ERMP1: variants seen among roughly 807,000 people sequenced by gnomAD.
ERMP1 encodes endoplasmic reticulum metallopeptidase 1, also known as Felix-ina.
A neutral mutation model predicts 92.0 loss-of-function variants in ERMP1; 86 were observed. The ratio of observed to expected loss-of-function variants is 0.93; its 90% confidence interval spans 0.79 to 1.12. The LOEUF is 1.12. Ranked by LOEUF, ERMP1 falls within the 50% of genes most tolerant of loss-of-function variation. The probability of loss-of-function intolerance (pLI) is 0.00; values close to 1 mark genes in which losing one functional copy is unlikely to be tolerated. For missense variants in ERMP1, 1,342 were observed against 1,116.3 expected (o/e 1.20, Z -2.88); for synonymous variants, 530 against 412.8 (o/e 1.28, Z -3.44).
intron 9 of ERMP1, 146 bp from the exon 10 acceptor site, chr9:5,805,363 G>T: frequency 1.5e-6 from 1 of 687,496 alleles, no homozygotes; most frequent in Non-Finnish European, 2.4e-6. Context: ...TCTTGGAGTA[G>T]GATCTTTCAC....
chr9:5,784,777 G>T lies in ERMP1; in HGVS notation c.*2367C>A, dbSNP rs1345147873. 2.0e-5 allele frequency: 3 copies of T among 152,028 alleles called. No homozygotes were observed. The highest frequency in any genetic ancestry group is 7.3e-5 in the African/African-American group (3 of 40,956). 9.4% of individuals were successfully genotyped at this position (152,028 alleles called of 1,614,324 possible). ...TAAACTGTAAAAACAAACACTTCATGCGACAATCATTCTTAGGTCAAACAC... is the reference window on the plus strand; with the variant it reads ...TAAACTGTAAAAACAAACACTTCATTCGACAATCATTCTTAGGTCAAACAC... On this transcript the variant is annotated 3_prime_UTR_variant, in exon 15 of 15. Coordinates refer to ENST00000339450, the MANE Select transcript of ERMP1 (RefSeq NM_024896.3).
rs1461691712 is a variant in ERMP1 at position 5,785,114 on chromosome 9, C to T, written c.*2030G>A. 3 of 152,162 alleles carry T rather than the reference C, an allele frequency of 2.0e-5. No homozygotes were observed. Among genetic ancestry groups the T allele is most frequent in the Non-Finnish European group, 4.4e-5 (3 of 68,038 alleles). The allele number at this position is 152,162 out of a possible 1,614,324, so 9.4% of individuals were successfully genotyped here. A position where few individuals can be genotyped will look rare whatever the true frequency, so the allele number is the denominator to read the frequency against. On this transcript the variant is annotated 3_prime_UTR_variant, in exon 15 of 15. Coordinates refer to ENST00000339450, the MANE Select transcript of ERMP1 (RefSeq NM_024896.3). ...AGCCCTGAGACTAGTGAGCATCTTA[C>T]TACTGACCTTGTACAATACCAAAGC...
chr9:5,813,057 C>A, intron 4 of ERMP1, 22 bp from the exon 5 acceptor site: 3 of 1,607,528 alleles, frequency 1.9e-6, no homozygotes, highest in Non-Finnish European at 2.5e-6. Context: ...GATGACAACA[C>A]AATAGAAGGT....
intron 5 of ERMP1, among the ~76,000 whole-genome samples, chr9:5,862,789 A>G (rs759737066): frequency 6.6e-6 from 1 of 152,212 alleles, no homozygotes; most frequent in African/African-American, 2.4e-5. Flanking sequence ...ATTCCAAAGG[A>G]GTGTCTACTT....
intron 6 of ERMP1, among the ~76,000 whole-genome samples, chr9:5,811,736 T>G (rs1829103387): frequency 6.6e-6 from 1 of 152,172 alleles, no homozygotes; most frequent in Admixed American, 6.5e-5. Flanking sequence ...AGAAATTTAG[T>G]GGTGAACCAA....
At chr9:5,817,093 T>A (rs1365567008) in intron 4 of ERMP1, among the ~76,000 whole-genome samples, 2 of 151,078 alleles carry the variant, frequency 1.3e-5, no homozygotes, top group Admixed American at 6.6e-5. Context: ...AGAGATGGGG[T>A]TTCACCATGT....
rs755837763 is a variant in ERMP1 at position 5,787,419 on chromosome 9, G to GA, written c.2550+10dup. The GA allele has an allele frequency of 2.4e-5, 39 of 1,610,860 alleles. No homozygotes were observed. Among genetic ancestry groups the GA allele is most frequent in the Non-Finnish European group, 3.0e-5 (35 of 1,178,930 alleles). On this transcript the variant is annotated intron_variant, in intron 14 of 14. Transcript: ENST00000339450. Reference sequence around the variant, plus strand: ...TAATCAATGAAACAAACAATGCTGGGAAATTGGCACCTGCACTTCTATCCA... The same window carrying GA: ...TAATCAATGAAACAAACAATGCTGGGAAAATTGGCACCTGCACTTCTATCCA...
chr9:5,801,093 C>T, intron 11 of ERMP1, 83 bp downstream of exon 11: 1 of 1,429,536 alleles, frequency 7.0e-7, no homozygotes, highest in Non-Finnish European at 9.4e-7. Context: ...GAAAAGTCAG[C>T]TGCGCTTGCT....
chr9:5,858,659 G>A (rs866753833), intron 6 of ERMP1, among the ~76,000 whole-genome samples: 1 of 152,286 alleles, frequency 6.6e-6, no homozygotes, highest in South Asian at 2.1e-4. Flanking sequence ...AAAGCTTAAG[G>A]TAAAAGTGTG....
At chr9:5,821,712 G>A (rs1007519333) in intron 4 of ERMP1, among the ~76,000 whole-genome samples, 2 of 152,144 alleles carry the variant, frequency 1.3e-5, no homozygotes, top group Non-Finnish European at 2.9e-5. Flanking sequence ...GTTTTTCTCT[G>A]GATAGGAGCA....
At chr9:5,826,895 T>A (rs1422235462) in intron 2 of ERMP1, among the ~76,000 whole-genome samples, 1 of 152,204 alleles carries the variant, frequency 6.6e-6, no homozygotes, top group African/African-American at 2.4e-5. Flanking sequence ...TTCCCTTATT[T>A]TAATGGTTCT....
chr9:5,844,423 T>C (rs1830208876), intron 6 of ERMP1, among the ~76,000 whole-genome samples: 1 of 152,188 alleles, frequency 6.6e-6, no homozygotes, highest in African/African-American at 2.4e-5. Context: ...TATAGGCATG[T>C]ACCACCATGC....
intron 8 of ERMP1, 127 bp from the exon 9 acceptor site, chr9:5,805,912 A>C (rs1246483629): frequency 2.9e-6 from 2 of 683,470 alleles, no homozygotes; most frequent in Non-Finnish European, 4.7e-6. Context: ...CTGCTCTTTA[A>C]ACTGATTTAA....
intron 5 of ERMP1, among the ~76,000 whole-genome samples, chr9:5,861,170 GGT>G (rs35593711): frequency 0.066 from 6,697 of 101,698 alleles, 180 homozygotes; most frequent in Admixed American, 0.1. Context: ...TGGCTTAGGG[GGT>G]GTGTGTGTGT....
intron 6 of ERMP1, among the ~76,000 whole-genome samples, chr9:5,843,108 A>G (rs1586835887): frequency 1.3e-5 from 2 of 152,242 alleles, no homozygotes; most frequent in African/African-American, 4.8e-5. Context: ...AGAAAAGAGC[A>G]TTTACCAACC....
chr9:5,795,776 A>C (rs149290616), intron 13 of ERMP1, among the ~76,000 whole-genome samples: 578 of 152,244 alleles, frequency 3.8e-3, no homozygotes, highest in African/African-American at 0.013. Flanking sequence ...AGACTGTCTC[A>C]AAAAAGAAAA....
intron 4 of ERMP1, among the ~76,000 whole-genome samples, chr9:5,816,898 CTTTTT>C (rs1158837649): frequency 2.2e-5 from 3 of 135,152 alleles, no homozygotes; most frequent in Non-Finnish European, 3.2e-5. Context: ...AGAGCCTATG[CTTTTT>C]TTTTTTTTTT....
At chr9:5,865,414 A>G (rs1041981206) in intron 5 of ERMP1, among the ~76,000 whole-genome samples, 2 of 152,058 alleles carry the variant, frequency 1.3e-5, no homozygotes, top group African/African-American at 4.8e-5. Flanking sequence ...AGGCTGAGGC[A>G]GGAGAATGGC....
At chr9:5,791,161 A>G (rs924213915) in intron 13 of ERMP1, 1 of 453,588 alleles carries the variant, frequency 2.2e-6, no homozygotes, top group African/African-American at 2.0e-5. Flanking sequence ...GGAAACCAAC[A>G]GGATGTGTAC....
Sources: gnomAD v4.1 joint callset for allele counts (sites outside exome capture counted in the v4.1 genomes callset) on GRCh38, gnomAD v4.1.1 for gene constraint, MANE v1.5 for transcripts, NCBI Gene and HGNC (gene_info 2026-07-23, HGNC 2026-07-21) for gene names.